The following CSMD1 variants were observed in gnomAD, a reference collection of about 807,000 sequenced individuals.
CSMD1 encodes CUB and Sushi multiple domains 1, also known as CUB and sushi domain-containing protein 1.
CSMD1 carries 213 observed loss-of-function variants against 417.5 expected under a neutral mutation model. The observed-to-expected ratio is 0.51, with a 90% CI of 0.46 to 0.57. The LOEUF (loss-of-function observed/expected upper bound fraction) is 0.57. CSMD1 is among the 20% of genes least tolerant of loss of function. The pLI is 0.00. For missense variants in CSMD1, 6,923 were observed against 4,529.7 expected (o/e 1.53, Z -15.17); for synonymous variants, 2,862 against 1,736.8 (o/e 1.65, Z -16.11).
At chr8:3,436,008 T>A (rs975025269) in intron 12 of CSMD1, among the ~76,000 whole-genome samples, 1 of 152,138 alleles carries the variant, frequency 6.6e-6, no homozygotes, top group African/African-American at 2.4e-5. Context: ...CTGGGACACA[T>A]CCCAGCTACC....
At position 3,387,555 on chromosome 8, in the gene CSMD1, G is replaced by C; in HGVS notation, c.2721C>G (p.Asp907Glu). 6.2e-7 allele frequency: 1 copy of C among 1,601,492 alleles called. No homozygotes were observed. Among genetic ancestry groups the C allele is most frequent in the Non-Finnish European group, 8.5e-7 (1 of 1,174,022 alleles). ...TCCTCTCACAGACGAGGGGCTCGTC[G>C]TCACTTAGTGTGTACCCCGGGTCAC... ...FSCDPGYTLS[D>E]DEPLVCERNH... is the part of the protein sequence containing the mutation. The change falls in exon 18 of 70, where the codon GAC becomes GAG. Residue 907 changes from aspartate (D) to glutamate (E), a missense_variant. Physicochemically the swap from Asp to Glu is conservative, Grantham distance 45. Coordinates refer to ENST00000635120, the MANE Select transcript of CSMD1 (RefSeq NM_033225.6).
chr8:4,586,241 A>C (rs73500571), intron 2 of CSMD1, among the ~76,000 whole-genome samples: 9,078 of 152,276 alleles, frequency 0.06, 314 homozygotes, highest in East Asian at 0.1. Flanking sequence ...TTACACTTCC[A>C]AGTACTAGTT....
intron 3 of CSMD1, among the ~76,000 whole-genome samples, chr8:4,127,269 G>T (rs960547335): frequency 1.3e-5 from 2 of 151,730 alleles, no homozygotes; most frequent in Non-Finnish European, 2.9e-5. Context: ...CCCGCTCCAG[G>T]TTATTCTCAT....
chr8:3,111,905 T>C (rs1303793985), intron 42 of CSMD1, among the ~76,000 whole-genome samples: 3 of 152,148 alleles, frequency 2.0e-5, no homozygotes, highest in Admixed American at 6.5e-5. Context: ...CTGTTGGCAG[T>C]GCACTTTTCC....
intron 9 of CSMD1, among the ~76,000 whole-genome samples, chr8:3,581,139 C>T (rs1459953156): frequency 6.6e-6 from 1 of 152,038 alleles, no homozygotes; most frequent in African/African-American, 2.4e-5. Flanking sequence ...ACATAAATCG[C>T]CCCTAAAGAC....
chr8:4,773,695 G>A (rs913833320), intron 1 of CSMD1, among the ~76,000 whole-genome samples: 3 of 152,178 alleles, frequency 2.0e-5, no homozygotes, highest in African/African-American at 4.8e-5. Context: ...TGCACGCCAC[G>A]CTAGTGTATA....
chr8:2,969,431 T>C (rs1804244518), intron 57 of CSMD1, among the ~76,000 whole-genome samples: 1 of 152,202 alleles, frequency 6.6e-6, no homozygotes, highest in African/African-American at 2.4e-5. Context: ...ACTAGATGGC[T>C]AACAAAAGCA....
At chr8:4,517,560 G>A (rs1585191878) in intron 2 of CSMD1, among the ~76,000 whole-genome samples, 1 of 152,044 alleles carries the variant, frequency 6.6e-6, no homozygotes, top group African/African-American at 2.4e-5. Context: ...TTATTCTACA[G>A]CAGTTTCATT....
intron 3 of CSMD1, among the ~76,000 whole-genome samples, chr8:4,166,887 C>G (rs1197329016): frequency 1.3e-5 from 2 of 152,080 alleles, no homozygotes; most frequent in Non-Finnish European, 2.9e-5. Flanking sequence ...AAATGTATTT[C>G]CTTAGCAGCA....
In CSMD1 at chr8:2,961,212, G is replaced by T; in HGVS notation, c.9631C>A (p.Pro3211Thr). The T allele has an allele frequency of 6.3e-7, 1 of 1,587,720 alleles. No homozygotes were observed. The highest frequency in any genetic ancestry group is 1.7e-5 in the Admixed American group (1 of 58,864). Residue 3211 changes from proline to threonine, a missense_variant and splice_region_variant, in exon 62 of 70, where the codon CCT (proline) becomes ACT (threonine). By Grantham distance (38) the Pro-to-Thr change is conservative. Coordinates refer to ENST00000635120, the MANE Select transcript of CSMD1 (RefSeq NM_033225.6). ...WSGIQPTCID[P>T]AHNTCPDPGT... Reference sequence around the variant, plus strand: ...GGGTCTGGGCAGGTGTTATGAGCAGGATCTGAAATTTGTGATTTAAAAAGA... The same window carrying T: ...GGGTCTGGGCAGGTGTTATGAGCAGTATCTGAAATTTGTGATTTAAAAAGA...
intron 1 of CSMD1, among the ~76,000 whole-genome samples, chr8:4,714,319 T>C (rs936963742): frequency 3.3e-4 from 50 of 152,130 alleles, no homozygotes; most frequent in African/African-American, 1.1e-3. Context: ...AATCTAGACC[T>C]TTCTCACACT....
At position 3,052,526 on chromosome 8, in the gene CSMD1, T is replaced by C. The variant is rs768803961; in HGVS notation, c.7596A>G (p.Gln2532=). ...CATCTTCTTGACACACGGCTGTTGC[T>C]TGCTGGCTGGATTCAAGCTTGAAGC... ...HEGFKLESSQ[Q]ATAVCQEDGL... Residue 2532 remains glutamine, a synonymous_variant, in exon 50 of 70, where the codon CAA becomes CAG. Coordinates refer to ENST00000635120, the MANE Select transcript of CSMD1 (RefSeq NM_033225.6). 1.2e-6 allele frequency: 2 copies of C among 1,604,836 alleles called. No homozygotes were observed. The highest frequency in any genetic ancestry group is 2.2e-5 in the South Asian group (2 of 88,956).
chr8:4,023,399 A>T (rs73183904), intron 4 of CSMD1, among the ~76,000 whole-genome samples: 17,451 of 152,124 alleles, frequency 0.11, 1,162 homozygotes, highest in South Asian at 0.22. Context: ...AAACAAAAGT[A>T]ATTCCAATTT....
At chr8:3,857,148 G>C (rs1230998008) in intron 5 of CSMD1, among the ~76,000 whole-genome samples, 1 of 152,256 alleles carries the variant, frequency 6.6e-6, no homozygotes, top group African/African-American at 2.4e-5. Context: ...TACGAAGTTA[G>C]TGTAAAATGA....
chr8:3,467,268 T>C (rs1310724793), intron 12 of CSMD1, among the ~76,000 whole-genome samples: 1 of 152,210 alleles, frequency 6.6e-6, no homozygotes, highest in East Asian at 1.9e-4. Context: ...AACCTCATGA[T>C]GTGTATCTCA....
At chr8:4,324,737 GGTTTCA>G (rs1006692875) in intron 3 of CSMD1, among the ~76,000 whole-genome samples, 51 of 152,244 alleles carry the variant, frequency 3.3e-4, no homozygotes, top group African/African-American at 1.1e-3. Context: ...ATGGATGAAG[GGTTTCA>G]GTTTATTTTG....
chr8:4,145,385 T>C (rs549094898), intron 3 of CSMD1, among the ~76,000 whole-genome samples: 2 of 151,104 alleles, frequency 1.3e-5, no homozygotes, highest in Admixed American at 1.3e-4. Flanking sequence ...CATTATATAC[T>C]ATAGTCTTCT....
chr8:4,870,924 C>G (rs1000595520), intron 1 of CSMD1, among the ~76,000 whole-genome samples: 8 of 152,130 alleles, frequency 5.3e-5, no homozygotes, highest in South Asian at 2.1e-4. Context: ...AGGTATCACA[C>G]ACTGCAGGGA....
chr8:4,801,807 C>G (rs917549381), intron 1 of CSMD1, among the ~76,000 whole-genome samples: 3 of 152,126 alleles, frequency 2.0e-5, no homozygotes, highest in African/African-American at 7.2e-5. Context: ...GAAATGAATA[C>G]AGCTACTCTT....
Sources: gnomAD v4.1 joint callset for allele counts (sites outside exome capture counted in the v4.1 genomes callset) on GRCh38, gnomAD v4.1.1 for gene constraint, MANE v1.5 for transcripts, NCBI Gene and HGNC (gene_info 2026-07-23, HGNC 2026-07-21) for gene names.